Variants in STIM1 observed in about 807,000 individuals in gnomAD.
STIM1 encodes the protein stromal interaction molecule 1.
Under a neutral mutation model 74.7 loss-of-function variants are expected in STIM1, and 25 were observed. That is an observed-to-expected ratio of 0.33 (90% CI 0.24 to 0.47). The LOEUF is 0.47. Among genes scored for constraint, STIM1 ranks in the 20% least tolerant of loss-of-function variants. The pLI is 1.00. For missense variants in STIM1, 728 were observed against 920.8 expected (o/e 0.79, Z 2.71); for synonymous variants, 328 against 348.8 (o/e 0.94, Z 0.66).
chr11:3,964,620 G>T (rs1268384489), intron 1 of STIM1, among the ~76,000 whole-genome samples: 2 of 152,118 alleles, frequency 1.3e-5, no homozygotes, highest in South Asian at 4.1e-4. Context: ...CTAGAGCTTG[G>T]TAAACTATTT....
In STIM1 at chr11:4,058,096, T is replaced by C. The variant is rs528264529; in HGVS notation, c.498-1185T>C. ...ATAGACTGTAGAAAAGACGACAATG[T>C]TTATTCTCATTAGTCAGACGAACTG... On this transcript the variant is annotated intron_variant, in intron 4 of 12. Coordinates refer to ENST00000526596, the MANE Select transcript of STIM1 (RefSeq NM_001382567.1). Among the ~76,000 whole-genome samples, 5 of 152,320 alleles carry C rather than the reference T, an allele frequency of 3.3e-5. No homozygotes were observed. The East Asian group carries it at 9.6e-4, about 29-fold the overall frequency.
At chr11:3,885,618 T>G (rs2091676717) in intron 1 of STIM1, among the ~76,000 whole-genome samples, 1 of 152,150 alleles carries the variant, frequency 6.6e-6, no homozygotes, top group South Asian at 2.1e-4. Context: ...CAGTTTTATT[T>G]TATTTTATTT....
intron 3 of STIM1, among the ~76,000 whole-genome samples, chr11:4,049,918 A>AT (rs1320993442): frequency 2.6e-5 from 4 of 152,154 alleles, no homozygotes; most frequent in Non-Finnish European, 5.9e-5. Flanking sequence ...TCTACTTCAT[A>AT]TGAAAATGAT....
chr11:3,883,343 ATT>A, intron 1 of STIM1, among the ~76,000 whole-genome samples: 1 of 151,372 alleles, frequency 6.6e-6, no homozygotes, highest in African/African-American at 2.4e-5. Flanking sequence ...ATGGGACACC[ATT>A]TTTTTTGTTT....
chr11:4,059,524 T>C (rs2094315809), intron 5 of STIM1, 128 bp downstream of exon 5: 2 of 729,786 alleles, frequency 2.7e-6, no homozygotes, highest in Admixed American at 4.3e-5. Context: ...CTATTTCCAC[T>C]GGTATTAAGG....
At chr11:3,964,166 TTCTGAC>T (rs2093317620) in intron 1 of STIM1, among the ~76,000 whole-genome samples, 1 of 152,252 alleles carries the variant, frequency 6.6e-6, no homozygotes. Context: ...TTTGATAGTG[TTCTGAC>T]TCTAAGTCCA....
chr11:4,006,402 T>A (rs73429636), intron 2 of STIM1, among the ~76,000 whole-genome samples: 54 of 152,218 alleles, frequency 3.5e-4, no homozygotes, highest in Admixed American at 1.4e-3. Context: ...GTCTCAGGTA[T>A]TTCTTTTTTT....
rs200264068 is a variant in STIM1, at chr11:4,074,493, C to A, written c.792-9C>A. On this transcript the variant is annotated splice_polypyrimidine_tract_variant and intron_variant, in intron 6 of 12. Transcript: ENST00000526596. ...TGGCCTCCTCCAGCTCCCTGCATTG[C>A]CCCCCCAGGCTGCACAAGGCCCAGG... 1.3e-5 allele frequency: 21 copies of A among 1,612,184 alleles called. No individual in the cohort carries two copies. Among genetic ancestry groups the A allele is most frequent in the Admixed American group, 3.3e-5 (2 of 59,966 alleles).
rs765041336 is a variant in STIM1 at position 4,091,607 on chromosome 11, G to C, written c.1960G>C (p.Asp654His). 6.2e-7 allele frequency: 1 copy of C among 1,614,012 alleles called. No individual in the cohort carries two copies. Among genetic ancestry groups the C allele is most frequent in the East Asian group, 2.2e-5 (1 of 44,886 alleles). Residue 654 changes from aspartate to histidine, a missense_variant, in exon 13 of 13, where the codon GAC becomes CAC. Around this residue, in one of 5 missense-constraint regions of STIM1, gnomAD observed 352 missense variants for 370.1 expected, o/e 0.95. Coordinates refer to ENST00000526596, the MANE Select transcript of STIM1 (RefSeq NM_001382567.1). ...SSRSHSPSSP[D>H]PDTPSPVGDS... is the part of the protein sequence containing the mutation. ...CCGTTCTCACAGCCCCAGCTCCCCA[G>C]ACCCAGACACACCATCTCCAGTTGG...
At chr11:3,964,035 A>T (rs1217113173) in intron 1 of STIM1, among the ~76,000 whole-genome samples, 1 of 152,232 alleles carries the variant, frequency 6.6e-6, no homozygotes, top group Non-Finnish European at 1.5e-5. Flanking sequence ...AACAAATGTG[A>T]TTTTATTTTT....
In STIM1 at chr11:4,070,193, C is replaced by A; in HGVS notation, c.781C>A (p.Leu261Ile). 1 of 1,614,004 alleles carries A rather than the reference C, an allele frequency of 6.2e-7. No individual in the cohort carries two copies. The highest frequency in any genetic ancestry group is 8.5e-7 in the Non-Finnish European group (1 of 1,180,016). ...CCGAGCTGAGCAGAGTCTGCATGAC[C>A]TTCAGGAAAGGTAAGGCCTGCCCCT... Reference protein sequence around the residue: ...LHRAEQSLHDLQERLHKAQEE... With the variant: ...LHRAEQSLHDIQERLHKAQEE... Residue 261 changes from leucine to isoleucine, a missense_variant, in exon 6 of 13, where the codon CTT (leucine) becomes ATT (isoleucine). Leu to Ile is a conservative substitution (Grantham distance 5). Coordinates refer to ENST00000526596, the MANE Select transcript of STIM1 (RefSeq NM_001382567.1).
At chr11:3,987,163 C>T (rs1254190322) in intron 2 of STIM1, among the ~76,000 whole-genome samples, 1 of 151,386 alleles carries the variant, frequency 6.6e-6, no homozygotes, top group East Asian at 1.9e-4. Context: ...ATAGTATGAG[C>T]CCCCTTGTCA....
intron 2 of STIM1, among the ~76,000 whole-genome samples, chr11:4,017,825 A>G (rs977928899): frequency 3.3e-5 from 5 of 152,212 alleles, no homozygotes; most frequent in African/African-American, 1.2e-4. Flanking sequence ...CCTTGTTTCA[A>G]ACCACCATTA....
intron 1 of STIM1, among the ~76,000 whole-genome samples, chr11:3,951,848 A>G (rs746700837): frequency 3.3e-5 from 5 of 152,156 alleles, no homozygotes. Flanking sequence ...CTAGGGCACA[A>G]GAACGTTTGG....
rs535965014 is a variant in STIM1 at position 4,045,892 on chromosome 11, G to A, written c.386-9634G>A. On this transcript the variant is annotated intron_variant, in intron 3 of 12. Transcript: ENST00000526596. Reference sequence around the variant, plus strand: ...AGTGATCCTTCCACCTCAGCCTCCCGAGTAGCTGGGATTACAGGCACGTGA... The same window carrying A: ...AGTGATCCTTCCACCTCAGCCTCCCAAGTAGCTGGGATTACAGGCACGTGA... Among the ~76,000 whole-genome samples, 60 of 140,584 alleles carry A rather than the reference G, an allele frequency of 4.3e-4. No individual in the cohort carries two copies. The South Asian group carries it at 0.014, about 32-fold the overall frequency. 92.2% of individuals were successfully genotyped at this position (140,584 alleles called of 152,430 possible).
At chr11:4,057,827 G>A (rs1193538631) in intron 4 of STIM1, among the ~76,000 whole-genome samples, 2 of 148,534 alleles carry the variant, frequency 1.3e-5, no homozygotes, top group African/African-American at 2.5e-5. Context: ...CTGAGATCGC[G>A]CCACTGCACT....
intron 2 of STIM1, among the ~76,000 whole-genome samples, chr11:3,980,674 CAACAACAAA>C (rs2093494445): frequency 1.3e-5 from 2 of 148,156 alleles, no homozygotes; most frequent in Admixed American, 6.7e-5. Flanking sequence ...ACAACAACAA[CAACAACAAA>C]AAAAAACAAA....
intron 2 of STIM1, among the ~76,000 whole-genome samples, chr11:3,968,674 A>G (rs150664598): frequency 5.9e-5 from 9 of 152,366 alleles, no homozygotes; most frequent in African/African-American, 1.9e-4. Context: ...CTGTCTTTAT[A>G]TAACTTAAAG....
Position 3,895,782 on chromosome 11 carries a change from TCC to T in STIM1, c.139+39374_139+39375del, listed in dbSNP as rs1296256909. On this transcript the variant is annotated intron_variant, in intron 1 of 12. Coordinates refer to ENST00000526596, the MANE Select transcript of STIM1 (RefSeq NM_001382567.1). ...TTCCTTCCTTCCTTCCTTCCTTCCT[TCC>T]TTCCTTCCTTCCTTCCTTCCTTTCT... Among the ~76,000 whole-genome samples, 41 of 93,356 alleles carry T rather than the reference TCC, an allele frequency of 4.4e-4. 3 individuals carry two copies. The highest frequency in any genetic ancestry group is 2.4e-3 in the African/African-American group (37 of 15,344). 61.2% of individuals were successfully genotyped at this position (93,356 alleles called of 152,430 possible).
Sources: allele counts gnomAD v4.1 joint callset (sites outside exome capture counted in the v4.1 genomes callset), GRCh38; gene constraint gnomAD v4.1.1; regional missense constraint gnomAD v4.1.1; transcripts MANE v1.5; gene names NCBI Gene and HGNC (gene_info 2026-07-23, HGNC 2026-07-21).